The following PLEKHA7 variants were observed in gnomAD, a reference collection of about 807,000 sequenced individuals.
PLEKHA7 encodes the protein pleckstrin homology domain-containing family A member 7.
PLEKHA7 carries 104 observed loss-of-function variants against 170.0 expected under a neutral mutation model. The ratio of observed to expected loss-of-function variants is 0.61; its 90% CI spans 0.52 to 0.72. PLEKHA7 has a LOEUF of 0.72. PLEKHA7 is among the 30% of genes least tolerant of loss of function. PLEKHA7 has a pLI of 0.00. For missense variants in PLEKHA7, 1,615 were observed against 1,671.7 expected (o/e 0.97, Z 0.59); for synonymous variants, 648 against 660.8 (o/e 0.98, Z 0.30).
chr11:16,913,946 T>C (rs1025772103), intron 3 of PLEKHA7, among the ~76,000 whole-genome samples: 6 of 152,250 alleles, frequency 3.9e-5, no homozygotes, highest in Non-Finnish European at 5.9e-5. Flanking sequence ...AAAATCGTTC[T>C]TTAAAAAGTG....
At chr11:16,825,605 G>A (rs1267985686) in intron 10 of PLEKHA7, among the ~76,000 whole-genome samples, 9 of 152,206 alleles carry the variant, frequency 5.9e-5, no homozygotes, top group South Asian at 2.1e-4. Flanking sequence ...AGAGATGCAT[G>A]CCTTCTAAAT....
chr11:16,813,475 T>A (rs568324664), intron 12 of PLEKHA7, among the ~76,000 whole-genome samples: 1 of 152,060 alleles, frequency 6.6e-6, no homozygotes, highest in African/African-American at 2.4e-5. Flanking sequence ...GCTCCCAAGA[T>A]AGACCTGGGA....
chr11:16,930,889 T>C (rs1196093367), intron 3 of PLEKHA7, among the ~76,000 whole-genome samples: 5 of 152,100 alleles, frequency 3.3e-5, no homozygotes, highest in African/African-American at 1.2e-4. Flanking sequence ...GCCAGTGCCT[T>C]AGAACCAGGC....
intron 4 of PLEKHA7, among the ~76,000 whole-genome samples, chr11:16,863,118 T>C (rs566252876): frequency 1.4e-3 from 210 of 152,230 alleles, no homozygotes; most frequent in African/African-American, 4.8e-3. Flanking sequence ...AGCCATCTCC[T>C]AGCAGCAAGT....
intron 3 of PLEKHA7, among the ~76,000 whole-genome samples, chr11:16,880,701 C>T (rs1855643477): frequency 6.6e-6 from 1 of 152,212 alleles, no homozygotes; most frequent in Non-Finnish European, 1.5e-5. Flanking sequence ...CACTTCCATC[C>T]CCGACAGGTT....
chr11:16,821,044 A>C (rs1310784664), intron 10 of PLEKHA7, among the ~76,000 whole-genome samples: 1 of 152,004 alleles, frequency 6.6e-6, no homozygotes, highest in African/African-American at 2.4e-5. Flanking sequence ...TTACCCAAAA[A>C]CTGGGCTCAA....
intron 3 of PLEKHA7, among the ~76,000 whole-genome samples, chr11:16,906,888 C>A (rs1183793224): frequency 1.4e-5 from 2 of 141,330 alleles, no homozygotes; most frequent in Non-Finnish European, 3.0e-5. Flanking sequence ...AGGAGCGTCT[C>A]TGCCACGCCG....
intron 10 of PLEKHA7, among the ~76,000 whole-genome samples, chr11:16,820,222 T>G (rs1343822026): frequency 6.6e-6 from 1 of 152,170 alleles, no homozygotes; most frequent in East Asian, 1.9e-4. Context: ...CTGTTCTAAT[T>G]GTTTTAAAAC....
chr11:16,847,241 C>T (rs976968256), intron 8 of PLEKHA7, among the ~76,000 whole-genome samples: 4 of 151,826 alleles, frequency 2.6e-5, no homozygotes, highest in Admixed American at 1.3e-4. Context: ...GGACTACAGG[C>T]GCCAGCCACC....
intron 3 of PLEKHA7, among the ~76,000 whole-genome samples, chr11:16,884,658 A>C (rs1361780316): frequency 8.7e-6 from 1 of 115,070 alleles, no homozygotes; most frequent in African/African-American, 3.0e-5. Context: ...AAAGAAAAGA[A>C]AAAGAAAAAG....
At chr11:16,875,352 A>AT (rs543953042) in intron 3 of PLEKHA7, among the ~76,000 whole-genome samples, 22,402 of 147,482 alleles carry the variant, frequency 0.15, 2,083 homozygotes, top group Non-Finnish European at 0.22. Context: ...TAGAATACTA[A>AT]ATTTTTTTTT....
At chr11:16,869,845 A>G (rs1854686339) in intron 4 of PLEKHA7, among the ~76,000 whole-genome samples, 1 of 152,228 alleles carries the variant, frequency 6.6e-6, no homozygotes, top group African/African-American at 2.4e-5. Context: ...ATAAATACTG[A>G]GAGTTTATTT....
At chr11:16,803,409 G>T (rs1848736414) in intron 13 of PLEKHA7, 114 bp from the exon 14 acceptor site, 1 of 1,107,864 alleles carries the variant, frequency 9.0e-7, no homozygotes, top group African/African-American at 1.5e-5. Context: ...TGGCAGGTAG[G>T]GTCATAGTAT....
Position 16,826,139 on chromosome 11 carries a change from G to A in PLEKHA7, c.1324C>T (p.Gln442Ter). The A allele has an allele frequency of 6.2e-7, 1 of 1,614,078 alleles. No homozygotes were observed. The highest frequency in any genetic ancestry group is 8.5e-7 in the Non-Finnish European group (1 of 1,179,964). Residue 442 changes from glutamine (Q) to a stop codon, truncating the protein, a stop_gained, in exon 10 of 27, where the codon CAG becomes TAG. Coordinates refer to ENST00000531066, the MANE Select transcript of PLEKHA7 (RefSeq NM_001329630.2). LOFTEE classifies it high-confidence loss of function. The stretch of plus-strand genomic sequence containing the variant: ...ACTCACCTCCTGCTATCCCCTTTCT[G>A]GGCCCTTGCCCAGTGCTCCACCTGG... ...LAQVEHWARA[Q>*]KGDSRSLPLD...
intron 3 of PLEKHA7, among the ~76,000 whole-genome samples, chr11:16,915,569 G>A (rs1225404147): frequency 7.3e-6 from 1 of 136,684 alleles, no homozygotes; most frequent in Non-Finnish European, 1.5e-5. Context: ...GTGTCCATGT[G>A]CTCTCATTGT....
chr11:16,796,733 G>A (rs897033601), intron 17 of PLEKHA7, among the ~76,000 whole-genome samples: 31 of 152,172 alleles, frequency 2.0e-4, no homozygotes, highest in Admixed American at 9.8e-4. Context: ...CAAGGTCACC[G>A]TAACCTCAAA....
chr11:16,878,410 A>G (rs990410283), intron 3 of PLEKHA7, among the ~76,000 whole-genome samples: 4 of 152,306 alleles, frequency 2.6e-5, no homozygotes, highest in Middle Eastern at 3.4e-3. Context: ...AGAGTAAAAA[A>G]TAAGCTCCTT....
At chr11:16,898,761 G>A (rs1310950437) in intron 3 of PLEKHA7, among the ~76,000 whole-genome samples, 1 of 152,120 alleles carries the variant, frequency 6.6e-6, no homozygotes, top group East Asian at 1.9e-4. Context: ...ACGTGGACTA[G>A]TCCAACACCC....
intron 3 of PLEKHA7, among the ~76,000 whole-genome samples, chr11:16,919,821 A>G (rs753394747): frequency 6.6e-6 from 1 of 152,246 alleles, no homozygotes. Context: ...ATTACTCAAT[A>G]TAATTAGAAT....
Sources: allele counts gnomAD v4.1 joint callset (sites outside exome capture counted in the v4.1 genomes callset), GRCh38; gene constraint gnomAD v4.1.1; transcripts MANE v1.5; gene names NCBI Gene and HGNC (gene_info 2026-07-23, HGNC 2026-07-21).